The following NR3C2 variants were observed in gnomAD, a reference collection of about 807,000 sequenced individuals.
NR3C2 encodes mineralocorticoid receptor.
In NR3C2, 15 loss-of-function variants were observed where a neutral mutation model predicts 86.4. The observed-to-expected ratio is 0.17, with a 90% CI of 0.12 to 0.27. NR3C2 has a LOEUF of 0.27. Ranked by LOEUF, NR3C2 falls within the 10% of genes least tolerant of loss-of-function variation. NR3C2 has a pLI of 1.00. For synonymous variants in NR3C2, 458 were observed against 450.5 expected, an observed-to-expected ratio of 1.02 and a Z score of -0.21; for missense variants, 960 against 1,195.6, an observed-to-expected ratio of 0.80 and a Z score of 2.91.
At chr4:148,164,725 G>A (rs1734807326) in intron 4 of NR3C2, among the ~76,000 whole-genome samples, 1 of 152,178 alleles carries the variant, frequency 6.6e-6, no homozygotes, top group Non-Finnish European at 1.5e-5. Flanking sequence ...CATTGGGCAT[G>A]CAAGGTAAAT....
At chr4:148,295,679 T>C (rs1198082998) in intron 2 of NR3C2, among the ~76,000 whole-genome samples, 1 of 151,606 alleles carries the variant, frequency 6.6e-6, no homozygotes, top group African/African-American at 2.4e-5. Flanking sequence ...GGCATTACTG[T>C]AACTTTGTCT....
In NR3C2 at chr4:148,436,133, T is replaced by C. The variant is rs1457432572; in HGVS notation, c.728A>G (p.Asn243Ser). Residue 243 changes from asparagine to serine, a missense_variant, in exon 2 of 9, where the codon AAT becomes AGT. Physicochemically the swap from Asn to Ser is conservative, Grantham distance 46. Coordinates refer to ENST00000358102, the MANE Select transcript of NR3C2 (RefSeq NM_000901.5). ...TPLTCSPNVE[N>S]RGSRSHSPAH... is the part of the protein sequence containing the mutation. ...AGGGCTGTGCGACCTGGAGCCTCGA[T>C]TTTCAACATTAGGGGAGCATGTCAG... 5.0e-6 allele frequency: 8 copies of C among 1,614,068 alleles called. No individual in the cohort carries two copies. Among genetic ancestry groups the C allele is most frequent in the Non-Finnish European group, 6.8e-6 (8 of 1,180,010 alleles).
At chr4:148,383,682 G>A (rs1319393421) in intron 2 of NR3C2, among the ~76,000 whole-genome samples, 3 of 152,186 alleles carry the variant, frequency 2.0e-5, no homozygotes, top group Non-Finnish European at 2.9e-5. Context: ...GACGGGCGCA[G>A]TGGCTCACAC....
chr4:148,401,248 T>C (rs1430940798), intron 2 of NR3C2, among the ~76,000 whole-genome samples: 2 of 152,172 alleles, frequency 1.3e-5, no homozygotes, highest in African/African-American at 4.8e-5. Flanking sequence ...CACATGGTGC[T>C]TACCATCTGA....
chr4:148,413,802 G>GT (rs1256418674), intron 2 of NR3C2, among the ~76,000 whole-genome samples: 7 of 152,100 alleles, frequency 4.6e-5, no homozygotes, highest in African/African-American at 1.7e-4. Flanking sequence ...AATACAAAGC[G>GT]TAAGCAAGGA....
chr4:148,172,875 T>C (rs1202137417), intron 4 of NR3C2, among the ~76,000 whole-genome samples: 1 of 152,228 alleles, frequency 6.6e-6, no homozygotes. Context: ...TCTAAGGAAG[T>C]CATTAAAAGC....
intron 3 of NR3C2, among the ~76,000 whole-genome samples, chr4:148,244,047 G>A (rs1739198454): frequency 1.3e-5 from 2 of 152,200 alleles, no homozygotes; most frequent in South Asian, 4.1e-4. Flanking sequence ...TGTACCAGCA[G>A]TGACGTCCAC....
chr4:148,224,151 A>C (rs1419302515), intron 3 of NR3C2, among the ~76,000 whole-genome samples: 1 of 150,920 alleles, frequency 6.6e-6, no homozygotes, highest in African/African-American at 2.4e-5. Context: ...AAAAAAAAAC[A>C]GAGGAAAAAG....
intron 2 of NR3C2, among the ~76,000 whole-genome samples, chr4:148,271,879 A>G (rs914372643): frequency 1.3e-5 from 2 of 152,216 alleles, no homozygotes; most frequent in African/African-American, 4.8e-5. Flanking sequence ...TAGCTCATTC[A>G]TTAGCTAACT....
At chr4:148,297,519 G>A (rs2149916729) in intron 2 of NR3C2, among the ~76,000 whole-genome samples, 1 of 152,250 alleles carries the variant, frequency 6.6e-6, no homozygotes, top group Admixed American at 6.5e-5. Flanking sequence ...CAGCACTTTG[G>A]GAGGCCAAGA....
intron 4 of NR3C2, among the ~76,000 whole-genome samples, chr4:148,165,012 T>A (rs559856123): frequency 6.6e-6 from 1 of 152,082 alleles, no homozygotes; most frequent in Admixed American, 6.5e-5. Context: ...AGGGTCCACA[T>A]CAAGCAAATA....
In NR3C2 at chr4:148,283,231, A is replaced by G. The variant is rs148936770; in HGVS notation, c.1758-23114T>C. The stretch of plus-strand genomic sequence containing the variant: ...CCTAAGAGTGGGGTCAGGTAAGCCA[A>G]TTTTAGCCATTACAGAGAACTGAAT... On this transcript the variant is annotated intron_variant, in intron 2 of 8. Transcript: ENST00000358102. Among the ~76,000 whole-genome samples, 6 of 152,334 alleles carry G rather than the reference A, an allele frequency of 3.9e-5. No individual in the cohort carries two copies. In the East Asian group the frequency reaches 7.7e-4, roughly 20 times the overall value.
At chr4:148,230,423 C>T (rs1336738222) in intron 3 of NR3C2, among the ~76,000 whole-genome samples, 4 of 152,138 alleles carry the variant, frequency 2.6e-5, no homozygotes, top group African/African-American at 9.7e-5. Context: ...GCTTGAACTC[C>T]TGGCCTCAAG....
rs1207707784 is a variant in NR3C2, at chr4:148,274,157, A to T, written c.1758-14040T>A. Among the ~76,000 whole-genome samples, 3 of 152,222 alleles carry T rather than the reference A, an allele frequency of 2.0e-5. No homozygotes were observed. In the East Asian group the frequency reaches 5.8e-4, roughly 29 times the overall value. On this transcript the variant is annotated intron_variant, in intron 2 of 8. Transcript: ENST00000358102. ...AAATAATATCTTTGTAAAAATAACA[A>T]GTAGCCAGAAGCAGCAAAAACTTTC...
intron 2 of NR3C2, among the ~76,000 whole-genome samples, chr4:148,366,784 C>T (rs565134272): frequency 3.9e-5 from 6 of 152,172 alleles, no homozygotes; most frequent in African/African-American, 1.4e-4. Context: ...CCCAAAAAAA[C>T]CCAGGCAAGA....
At chr4:148,248,627 A>G (rs1407113270) in intron 3 of NR3C2, among the ~76,000 whole-genome samples, 1 of 152,234 alleles carries the variant, frequency 6.6e-6, no homozygotes, top group Non-Finnish European at 1.5e-5. Flanking sequence ...CGGCTTTCTC[A>G]GTTGGCCCTT....
chr4:148,206,325 A>G (rs2149812920), intron 3 of NR3C2, among the ~76,000 whole-genome samples: 1 of 152,322 alleles, frequency 6.6e-6, no homozygotes, highest in African/African-American at 2.4e-5. Context: ...GTGGCCCTCT[A>G]TGCAAACACT....
intron 4 of NR3C2, among the ~76,000 whole-genome samples, chr4:148,163,391 T>C (rs1345626386): frequency 6.6e-6 from 1 of 152,212 alleles, no homozygotes. Flanking sequence ...AAGAAATCTC[T>C]CTGGCTCATA....
intron 6 of NR3C2, among the ~76,000 whole-genome samples, chr4:148,136,699 T>TGCAATGGC (rs906117658): frequency 7.2e-5 from 11 of 151,940 alleles, no homozygotes; most frequent in Non-Finnish European, 1.0e-4. Context: ...CAGGCTGGAG[T>TGCAATGGC]GCAATGGCGC....
Sources: gnomAD v4.1 joint callset for allele counts (sites outside exome capture counted in the v4.1 genomes callset) on GRCh38, gnomAD v4.1.1 for gene constraint, MANE v1.5 for transcripts, NCBI Gene and HGNC (gene_info 2026-07-23, HGNC 2026-07-21) for gene names.